Variants in RELCH observed in about 807,000 individuals in gnomAD.
RELCH encodes RAB11 binding and LisH domain, coiled-coil and HEAT repeat containing, also known as RAB11-binding protein RELCH.
Under a neutral mutation model 150.3 loss-of-function variants are expected in RELCH, and 41 were observed. The ratio of observed to expected loss-of-function variants is 0.27; its 90% CI spans 0.21 to 0.35. RELCH has a LOEUF of 0.35. RELCH is among the 10% of genes least tolerant of loss of function. RELCH has a pLI of 1.00. For synonymous variants in RELCH, 478 were observed against 531.8 expected, an observed-to-expected ratio of 0.90 and a Z score of 1.39; for missense variants, 1,092 against 1,467.8, an observed-to-expected ratio of 0.74 and a Z score of 4.18.
In RELCH at chr18:62,225,648, T is replaced by C. The variant is rs552188724; in HGVS notation, c.859-1641T>C. On this transcript the variant is annotated intron_variant, in intron 5 of 28. Coordinates refer to ENST00000644646, the MANE Select transcript of RELCH (RefSeq NM_001346231.2). ...AATCACATTGAGATACCACAACACG[T>C]TAATTAGAATGTTTACCTATGAAGT... 2.0e-5 allele frequency among the ~76,000 whole-genome samples: 3 copies of C among 152,100 alleles called. No individual in the cohort carries two copies. The South Asian group carries it at 6.2e-4, about 32-fold the overall frequency.
intron 14 of RELCH, among the ~76,000 whole-genome samples, 179 bp from the exon 15 acceptor site, chr18:62,258,333 A>C (rs1037510760): frequency 6.6e-6 from 1 of 151,682 alleles, no homozygotes; most frequent in African/African-American, 2.4e-5. Flanking sequence ...TATGTTTACC[A>C]CTCCCTCTCT....
chr18:62,292,417 C>G (rs1459255526), intron 27 of RELCH, among the ~76,000 whole-genome samples: 1 of 152,120 alleles, frequency 6.6e-6, no homozygotes, highest in Admixed American at 6.6e-5. Context: ...TCTTCCCAAT[C>G]TCCCCTCCTT....
chr18:62,244,393 A>G (rs1404689462), intron 10 of RELCH, among the ~76,000 whole-genome samples: 2 of 152,154 alleles, frequency 1.3e-5, no homozygotes, highest in South Asian at 2.1e-4. Flanking sequence ...GTTTTAAATT[A>G]TAGTGGACTT....
intron 26 of RELCH, among the ~76,000 whole-genome samples, chr18:62,289,132 G>A (rs1049580407): frequency 1.2e-4 from 19 of 152,132 alleles, no homozygotes; most frequent in Admixed American, 1.2e-3. Flanking sequence ...GAATATTATT[G>A]TGTGTTTAGA....
intron 21 of RELCH, 21 bp from the exon 22 acceptor site, chr18:62,275,353 G>GTTTT (rs72266333): frequency 1.3e-5 from 14 of 1,093,602 alleles, no homozygotes; most frequent in South Asian, 4.9e-5. Context: ...TTTTAACACT[G>GTTTT]TTTTTTTTTT....
intron 12 of RELCH, among the ~76,000 whole-genome samples, chr18:62,255,009 G>A (rs1290531889): frequency 2.0e-5 from 3 of 152,128 alleles, no homozygotes; most frequent in Non-Finnish European, 4.4e-5. Context: ...GTTGAAGAAA[G>A]AAGACTGGCA....
intron 3 of RELCH, 24 bp from the exon 4 acceptor site, chr18:62,221,195 A>G (rs1392203281): frequency 1.2e-6 from 2 of 1,600,314 alleles, no homozygotes; most frequent in African/African-American, 1.3e-5. Flanking sequence ...ATAGTAAAAT[A>G]GTACTTATGT....
rs1198268459 is a variant in RELCH, at chr18:62,221,391, T to C, written c.752T>C (p.Ile251Thr). The C allele has an allele frequency of 1.9e-6, 3 of 1,598,984 alleles. No individual in the cohort carries two copies. The South Asian group carries it at 3.3e-5, about 18-fold the overall frequency. ...YKSSPEIQEP[I>T]KPLEKRALNF... ...CTCTTATTTTGCTTCCAGGAGCCAA[T>C]CAAACCTCTTGAAAAGAGAGCTCTA... Residue 251 changes from isoleucine to threonine, a missense_variant, in exon 5 of 29, where the codon ATC (isoleucine) becomes ACC (threonine). Physicochemically the swap from Ile to Thr is moderately conservative, Grantham distance 89. Transcript: ENST00000644646.
At chr18:62,192,793 A>G (rs575339406) in intron 1 of RELCH, among the ~76,000 whole-genome samples, 1 of 152,236 alleles carries the variant, frequency 6.6e-6, no homozygotes, top group African/African-American at 2.4e-5. Flanking sequence ...GTAACCTTGT[A>G]GTATAGTCTG....
At chr18:62,281,555 A>C (rs2044516588) in intron 24 of RELCH, among the ~76,000 whole-genome samples, 1 of 152,202 alleles carries the variant, frequency 6.6e-6, no homozygotes, top group Non-Finnish European at 1.5e-5. Flanking sequence ...TGCAACACTA[A>C]CTATAAGACA....
intron 26 of RELCH, among the ~76,000 whole-genome samples, chr18:62,290,871 A>G (rs1024627251): frequency 6.6e-6 from 1 of 152,228 alleles, no homozygotes; most frequent in African/African-American, 2.4e-5. Flanking sequence ...TCTACCTTAG[A>G]TAACTTATTT....
At chr18:62,232,495 G>T in intron 10 of RELCH, 68 bp downstream of exon 10, 2 of 917,528 alleles carry the variant, frequency 2.2e-6, no homozygotes, top group Non-Finnish European at 1.8e-6. Context: ...TCATTTTGAA[G>T]TTGAGTGTTA....
In RELCH at chr18:62,208,860, A is replaced by G. The variant is rs2039982770; in HGVS notation, c.527-2293A>G. Among the ~76,000 whole-genome samples, 3 of 152,186 alleles carry G rather than the reference A, an allele frequency of 2.0e-5. No individual in the cohort carries two copies. The South Asian group carries it at 6.2e-4, about 31-fold the overall frequency. On this transcript the variant is annotated intron_variant, in intron 1 of 28. Coordinates refer to ENST00000644646, the MANE Select transcript of RELCH (RefSeq NM_001346231.2). ...TCTTTTTTATGGCTGCATAGTAGAA[A>G]TCTCACAGTGGGTCTCACGTTGAGC...
chr18:62,210,799 G>T lies in RELCH; in HGVS notation c.527-354G>T, dbSNP rs568757001. On this transcript the variant is annotated intron_variant, in intron 1 of 28. Coordinates refer to ENST00000644646, the MANE Select transcript of RELCH (RefSeq NM_001346231.2). ...TGATGGATAATGTGTGTGTTAGGCC[G>T]TGAAGACTGGATTCTGTTCTTTCAG... 3.3e-5 allele frequency among the ~76,000 whole-genome samples: 5 copies of T among 152,284 alleles called. No individual in the cohort carries two copies. The South Asian group carries it at 1.0e-3, about 32-fold the overall frequency.
At chr18:62,263,812 A>G (rs2043400688) in intron 16 of RELCH, among the ~76,000 whole-genome samples, 177 bp from the exon 17 acceptor site, 1 of 152,038 alleles carries the variant, frequency 6.6e-6, no homozygotes, top group African/African-American at 2.4e-5. Flanking sequence ...ATATCACAGG[A>G]ATTTCTTGAT....
Position 62,308,807 on chromosome 18 carries a change from A to C in RELCH, c.*3273A>C, listed in dbSNP as rs1456282437. The stretch of plus-strand genomic sequence containing the variant: ...AGCCAGGTAACAAAATTCAACCTTC[A>C]AGGTTGGATGTTAATTCTCTTACAA... On this transcript the variant is annotated 3_prime_UTR_variant, in exon 29 of 29. Transcript: ENST00000644646. 1.3e-5 allele frequency: 2 copies of C among 152,210 alleles called. No homozygotes were observed. Among genetic ancestry groups the C allele is most frequent in the Non-Finnish European group, 2.9e-5 (2 of 68,026 alleles). The allele number at this position is 152,210 out of a possible 1,614,324, so 9.4% of individuals were successfully genotyped here.
chr18:62,258,214 T>C, intron 14 of RELCH, 126 bp downstream of exon 14: 1 of 900,656 alleles, frequency 1.1e-6, no homozygotes, highest in Admixed American at 3.1e-5. Context: ...ACTTTAGTCA[T>C]CTGGGGATGG....
chr18:62,294,692 A>G (rs1334237599), intron 27 of RELCH, among the ~76,000 whole-genome samples: 1 of 152,178 alleles, frequency 6.6e-6, no homozygotes, highest in Non-Finnish European at 1.5e-5. Context: ...AGTCAGATTT[A>G]TTGATCATTT....
chr18:62,199,479 C>A (rs2148226169), intron 1 of RELCH, among the ~76,000 whole-genome samples: 1 of 152,278 alleles, frequency 6.6e-6, no homozygotes, highest in Non-Finnish European at 1.5e-5. Flanking sequence ...TGTGTATCAA[C>A]AGTACTTAAT....
Sources: gnomAD v4.1 joint callset for allele counts (sites outside exome capture counted in the v4.1 genomes callset) on GRCh38, gnomAD v4.1.1 for gene constraint, MANE v1.5 for transcripts, NCBI Gene and HGNC (gene_info 2026-07-23, HGNC 2026-07-21) for gene names.